The following CACNG4 variants were observed in gnomAD, a reference collection of about 807,000 sequenced individuals.
The protein encoded by CACNG4 is calcium voltage-gated channel auxiliary subunit gamma 4.
A neutral mutation model predicts 22.9 loss-of-function variants in CACNG4; 8 were observed. The ratio of observed to expected loss-of-function variants is 0.35; its 90% CI spans 0.21 to 0.63. The LOEUF (loss-of-function observed/expected upper bound fraction) is 0.63, where lower values mean the gene tolerates loss of function less well. CACNG4 is among the 30% of genes least tolerant of loss of function. The pLI is 0.72. For synonymous variants in CACNG4, 188 were observed against 191.9 expected (o/e 0.98, Z 0.17); for missense variants, 357 against 455.4 (o/e 0.78, Z 1.97).
intron 1 of CACNG4, among the ~76,000 whole-genome samples, chr17:66,981,539 T>C (rs1353741199): frequency 6.6e-6 from 1 of 152,252 alleles, no homozygotes; most frequent in Non-Finnish European, 1.5e-5. Context: ...ATACAAGCCT[T>C]TGTGCAAAGC....
intron 1 of CACNG4, among the ~76,000 whole-genome samples, chr17:66,971,086 T>A (rs568414179): frequency 4.6e-5 from 7 of 152,178 alleles, no homozygotes; most frequent in Middle Eastern, 3.4e-3. Context: ...TGGGCCTCTG[T>A]CTCCTCATCT....
chr17:66,989,658 C>T (rs1216798858), intron 1 of CACNG4, among the ~76,000 whole-genome samples: 2 of 151,596 alleles, frequency 1.3e-5, no homozygotes, highest in African/African-American at 2.4e-5. Flanking sequence ...GAATTAACCA[C>T]GCTTCCGAAG....
intron 1 of CACNG4, among the ~76,000 whole-genome samples, chr17:67,007,680 G>A (rs1315017446): frequency 2.6e-5 from 4 of 152,160 alleles, no homozygotes; most frequent in African/African-American, 9.7e-5. Context: ...GAACCAGAAA[G>A]CTTCAGAAGG....
At chr17:67,029,768 G>A (rs1404050087) in intron 3 of CACNG4, among the ~76,000 whole-genome samples, 2 of 152,248 alleles carry the variant, frequency 1.3e-5, no homozygotes, top group Non-Finnish European at 2.9e-5. Flanking sequence ...AGCTGGATGA[G>A]GAGTATATGA....
At chr17:67,008,107 G>A (rs2035447640) in intron 1 of CACNG4, among the ~76,000 whole-genome samples, 1 of 152,196 alleles carries the variant, frequency 6.6e-6, no homozygotes, top group South Asian at 2.1e-4. Flanking sequence ...TGAGTCCCCA[G>A]CACCTCACAC....
chr17:67,014,224 C>T (rs2035483920), intron 1 of CACNG4, among the ~76,000 whole-genome samples: 1 of 152,142 alleles, frequency 6.6e-6, no homozygotes, highest in Admixed American at 6.5e-5. Context: ...AGCAAATGGC[C>T]CATGTATGGA....
chr17:66,997,962 A>G (rs1263080413), intron 1 of CACNG4, among the ~76,000 whole-genome samples: 1 of 152,180 alleles, frequency 6.6e-6, no homozygotes, highest in African/African-American at 2.4e-5. Context: ...GAGACTGGAA[A>G]GGACCAGTCA....
At chr17:67,013,972 G>T (rs1359485809) in intron 1 of CACNG4, among the ~76,000 whole-genome samples, 2 of 152,120 alleles carry the variant, frequency 1.3e-5, no homozygotes, top group Non-Finnish European at 2.9e-5. Context: ...CTTCAAGCAG[G>T]ACCGTCTCCC....
At chr17:67,022,205 G>A (rs375894214) in intron 2 of CACNG4, among the ~76,000 whole-genome samples, 3 of 151,752 alleles carry the variant, frequency 2.0e-5, no homozygotes, top group East Asian at 1.9e-4. Context: ...CTCCTGAATC[G>A]CTGGGATTAC....
chr17:67,010,691 T>G (rs1281212714), intron 1 of CACNG4, among the ~76,000 whole-genome samples: 1 of 152,130 alleles, frequency 6.6e-6, no homozygotes, highest in Non-Finnish European at 1.5e-5. Flanking sequence ...ACCTCCTCCA[T>G]GAAGTCCCAG....
At chr17:67,014,737 G>C (rs2035486908) in intron 1 of CACNG4, among the ~76,000 whole-genome samples, 1 of 152,120 alleles carries the variant, frequency 6.6e-6, no homozygotes, top group Non-Finnish European at 1.5e-5. Flanking sequence ...AGAAGTTCAA[G>C]ACCAGCCTAA....
chr17:66,983,938 C>G (rs901541738), intron 1 of CACNG4, among the ~76,000 whole-genome samples: 1 of 152,220 alleles, frequency 6.6e-6, no homozygotes, highest in Non-Finnish European at 1.5e-5. Context: ...AGCACAGTGG[C>G]TCCCTTTGTG....
chr17:66,974,495 G>A (rs2035223969), intron 1 of CACNG4, among the ~76,000 whole-genome samples: 1 of 152,190 alleles, frequency 6.6e-6, no homozygotes, highest in African/African-American at 2.4e-5. Flanking sequence ...GCTTTGGGCA[G>A]GTTAGGTGAC....
chr17:66,992,464 C>T (rs1359399830), intron 1 of CACNG4, among the ~76,000 whole-genome samples: 1 of 152,214 alleles, frequency 6.6e-6, no homozygotes, highest in African/African-American at 2.4e-5. Flanking sequence ...GAAAGGCCTC[C>T]CAGCAGCACA....
At chr17:66,980,640 T>TTTTTTTA (rs2035266353) in intron 1 of CACNG4, among the ~76,000 whole-genome samples, 2 of 132,208 alleles carry the variant, frequency 1.5e-5, no homozygotes, top group African/African-American at 2.7e-5. Context: ...TTTTTTTTTT[T>TTTTTTTA]GAGACTGAGT....
rs978621276 is a variant in CACNG4, at chr17:67,027,652, C to A, written c.445+2652C>A. Among the ~76,000 whole-genome samples the A allele has an allele frequency of 6.6e-6, 1 of 152,156 alleles. No individual in the cohort carries two copies. Among genetic ancestry groups the A allele is most frequent in the African/African-American group, 2.4e-5 (1 of 41,440 alleles). ...TTCATGGAGTTGTTATTTAAGAAAC[C>A]CTTTTCCAACTCGTGCTGAATACAG... On this transcript the variant is annotated intron_variant, in intron 3 of 3. Coordinates refer to ENST00000262138, the MANE Select transcript of CACNG4 (RefSeq NM_014405.4). This position sits in a 1 kb window ranked among gnomAD's most constrained non-coding sequence, Gnocchi z 4.3.
intron 1 of CACNG4, among the ~76,000 whole-genome samples, chr17:66,986,631 A>G (rs939545173): frequency 1.8e-4 from 27 of 152,228 alleles, no homozygotes; most frequent in Non-Finnish European, 3.5e-4. Flanking sequence ...AGCAGATGGT[A>G]CAAGGCTTGC....
chr17:66,981,784 A>G (rs112707316), intron 1 of CACNG4, among the ~76,000 whole-genome samples: 1,606 of 152,356 alleles, frequency 0.011, 38 homozygotes, highest in African/African-American at 0.037. Flanking sequence ...AGCCCTTGCT[A>G]TGCACCAAGC....
intron 1 of CACNG4, among the ~76,000 whole-genome samples, chr17:66,980,159 T>C (rs2035263063): frequency 6.6e-6 from 1 of 152,212 alleles, no homozygotes; most frequent in South Asian, 2.1e-4. Context: ...TATAACCAAA[T>C]TGATTCCTGG....
Sources: allele counts gnomAD v4.1 joint callset (sites outside exome capture counted in the v4.1 genomes callset), GRCh38; gene constraint gnomAD v4.1.1; non-coding constraint Gnocchi (gnomAD v3.1); transcripts MANE v1.5; gene names NCBI Gene and HGNC (gene_info 2026-07-23, HGNC 2026-07-21).